The following SCML4 variants were observed in gnomAD, a reference collection of about 807,000 sequenced individuals.
SCML4 encodes sex comb on midleg-like protein 4.
A neutral mutation model predicts 41.1 loss-of-function variants in SCML4; 34 were observed. The observed-to-expected ratio is 0.83, with a 90% CI of 0.63 to 1.10. The LOEUF is 1.10. Among genes scored for constraint, SCML4 ranks in the 50% least tolerant of loss-of-function variants. The pLI is 0.00. For synonymous variants in SCML4, 214 were observed against 220.9 expected (o/e 0.97, Z 0.28); for missense variants, 522 against 534.1 (o/e 0.98, Z 0.22).
chr6:107,759,967 T>A (rs1434291303), intron 2 of SCML4, among the ~76,000 whole-genome samples: 2 of 152,160 alleles, frequency 1.3e-5, no homozygotes, highest in Admixed American at 1.3e-4. Flanking sequence ...CGCACGGGAC[T>A]CTGAGCAACT....
chr6:107,829,757 TAAAC>T, the SCML4 span, among the ~76,000 whole-genome samples: 3 of 128,194 alleles, frequency 2.3e-5, no homozygotes, highest in African/African-American at 7.4e-5. Flanking sequence ...GTAAAATAAA[TAAAC>T]AAACAAATAA....
At chr6:107,804,077 A>C (rs1442677148) in intron 1 of SCML4, among the ~76,000 whole-genome samples, 6 of 148,962 alleles carry the variant, frequency 4.0e-5, no homozygotes, top group Admixed American at 4.0e-4. Flanking sequence ...GAAAAAAAAA[A>C]AAAAAGAGCA....
intron 6 of SCML4, among the ~76,000 whole-genome samples, chr6:107,709,201 C>T (rs1624055): frequency 0.75 from 114,127 of 152,026 alleles, 43,031 homozygotes; most frequent in Admixed American, 0.81. Flanking sequence ...ACACTGAGTC[C>T]TCATTCTACC....
At chr6:107,805,837 T>C (rs1455818161) in intron 1 of SCML4, among the ~76,000 whole-genome samples, 1 of 152,098 alleles carries the variant, frequency 6.6e-6, no homozygotes, top group Non-Finnish European at 1.5e-5. Context: ...AATACAATAT[T>C]CCTAATTATA....
At chr6:107,837,972 A>G in the SCML4 span, among the ~76,000 whole-genome samples, 1 of 147,084 alleles carries the variant, frequency 6.8e-6, no homozygotes, top group Non-Finnish European at 1.5e-5. Flanking sequence ...CAGTGGCACA[A>G]TCTCAGCTCA....
At chr6:107,830,161 T>C in the SCML4 span, among the ~76,000 whole-genome samples, 1 of 152,130 alleles carries the variant, frequency 6.6e-6, no homozygotes, top group Admixed American at 6.5e-5. Flanking sequence ...TCTGTCTTGT[T>C]TTTAGTCAAG....
chr6:107,820,394 G>A (rs772622290), intron 1 of SCML4, among the ~76,000 whole-genome samples: 30 of 152,208 alleles, frequency 2.0e-4, no homozygotes, highest in Non-Finnish European at 4.1e-4. Context: ...GTGTTTGTGT[G>A]TGCGTGTGCG....
chr6:107,839,977 A>G, the SCML4 span, among the ~76,000 whole-genome samples: 2 of 152,202 alleles, frequency 1.3e-5, no homozygotes, highest in African/African-American at 4.8e-5. Flanking sequence ...TTATAAACAC[A>G]ATTTTAAAAA....
chr6:107,817,717 T>C (rs2114299422), intron 1 of SCML4, among the ~76,000 whole-genome samples: 1 of 151,644 alleles, frequency 6.6e-6, no homozygotes, highest in Admixed American at 6.6e-5. Context: ...CTTTACTGGG[T>C]TCATGCCAAA....
intron 6 of SCML4, among the ~76,000 whole-genome samples, chr6:107,717,634 A>G (rs1290550182): frequency 6.6e-6 from 1 of 151,982 alleles, no homozygotes; most frequent in African/African-American, 2.4e-5. Context: ...TGCAACCTCC[A>G]CCTCCCGGGT....
In SCML4 at chr6:107,778,139, C is replaced by T. The variant is rs1175444381; in HGVS notation, c.-59-5753G>A. On this transcript the variant is annotated intron_variant, in intron 1 of 7. Transcript: ENST00000369020. ...TTGAAGCACAAGAATCACTTGAATCCGGGAGATCACGCCACTGCACTTCAG... is the reference window on the plus strand; with the variant it reads ...TTGAAGCACAAGAATCACTTGAATCTGGGAGATCACGCCACTGCACTTCAG... Among the ~76,000 whole-genome samples, 5 of 140,804 alleles carry T rather than the reference C, an allele frequency of 3.6e-5. 1 individual carries two copies. Among genetic ancestry groups the T allele is most frequent in the South Asian group, 4.5e-4 (2 of 4,452 alleles). 92.4% of individuals were successfully genotyped at this position (140,804 alleles called of 152,430 possible).
At chr6:107,770,149 T>C (rs549129129) in intron 2 of SCML4, among the ~76,000 whole-genome samples, 3 of 152,296 alleles carry the variant, frequency 2.0e-5, no homozygotes, top group South Asian at 2.1e-4. Flanking sequence ...GTCTAGGAAA[T>C]TGTCAAAATA....
intron 7 of SCML4, among the ~76,000 whole-genome samples, chr6:107,707,228 G>T (rs551590818): frequency 1.5e-3 from 231 of 152,234 alleles, no homozygotes; most frequent in African/African-American, 5.3e-3. Flanking sequence ...CTTGAACTGG[G>T]AAGGCAGAGG....
intron 1 of SCML4, among the ~76,000 whole-genome samples, chr6:107,815,599 T>C (rs1447767274): frequency 1.3e-5 from 2 of 152,194 alleles, no homozygotes; most frequent in Non-Finnish European, 2.9e-5. Flanking sequence ...TTCAACTGCA[T>C]TGGAGGGGTG....
the SCML4 span, among the ~76,000 whole-genome samples, chr6:107,834,357 A>G: frequency 2.0e-5 from 3 of 152,192 alleles, no homozygotes; most frequent in Non-Finnish European, 4.4e-5. Context: ...TGCTATACCG[A>G]AAACAGAATT....
chr6:107,794,136 A>G (rs1053546922), intron 1 of SCML4, among the ~76,000 whole-genome samples: 1 of 152,258 alleles, frequency 6.6e-6, no homozygotes, highest in South Asian at 2.1e-4. Context: ...GAGGTAGTCA[A>G]TTAAGATGAA....
intron 1 of SCML4, among the ~76,000 whole-genome samples, chr6:107,792,437 T>C (rs909927641): frequency 6.6e-6 from 1 of 152,094 alleles, no homozygotes; most frequent in African/African-American, 2.4e-5. Flanking sequence ...GAAAACTTTA[T>C]AAGGTAAAAG....
chr6:107,795,819 G>T (rs998240761), intron 1 of SCML4, among the ~76,000 whole-genome samples: 8 of 152,164 alleles, frequency 5.3e-5, no homozygotes, highest in Admixed American at 3.9e-4. Context: ...GAGCCACCGC[G>T]CCCAGCCAGA....
intron 5 of SCML4, among the ~76,000 whole-genome samples, chr6:107,740,344 C>T (rs191061489): frequency 7.0e-4 from 106 of 152,242 alleles, no homozygotes; most frequent in African/African-American, 2.5e-3. Flanking sequence ...GTTGTAGAGG[C>T]GGAGAAACAG....
Sources: allele counts gnomAD v4.1 joint callset (sites outside exome capture counted in the v4.1 genomes callset), GRCh38; gene constraint gnomAD v4.1.1; transcripts MANE v1.5; gene names NCBI Gene and HGNC (gene_info 2026-07-23, HGNC 2026-07-21).